LHFPL4: variants seen among roughly 807,000 people sequenced by gnomAD.
LHFPL4 encodes the protein LHFPL tetraspan subfamily member 4 protein.
LHFPL4 carries 6 observed loss-of-function variants against 20.0 expected under a neutral mutation model. That is an observed-to-expected ratio of 0.30 (90% confidence interval 0.16 to 0.59). The LOEUF (loss-of-function observed/expected upper bound fraction) is 0.59, where lower values mean the gene tolerates loss of function less well. Ranked by LOEUF, LHFPL4 falls within the 20% of genes least tolerant of loss-of-function variation. The probability of loss-of-function intolerance (pLI) is 0.88; values close to 1 mark genes in which losing one functional copy is unlikely to be tolerated. For missense variants in LHFPL4, 215 were observed against 331.2 expected (o/e 0.65, Z 2.72); for synonymous variants, 129 against 143.8 (o/e 0.90, Z 0.74).
At chr3:9,539,490 G>A (rs1192268542) in intron 2 of LHFPL4, among the ~76,000 whole-genome samples, 1 of 147,410 alleles carries the variant, frequency 6.8e-6, no homozygotes, top group Non-Finnish European at 1.5e-5. Flanking sequence ...TTCAACCCTT[G>A]TCCTCCTGAT....
chr3:9,506,067 G>A lies in LHFPL4; in HGVS notation c.543C>T (p.Ile181=). ...GGATGAGGGCGTTGAGGATGCCGATGATGGCCAGGATGTATGCCCAGCGCA... is the reference window on the plus strand; with the variant it reads ...GGATGAGGGCGTTGAGGATGCCGATAATGGCCAGGATGTATGCCCAGCGCA... ...CSVRWAYILA[I]IGILNALILS... The change falls in exon 3 of 4, where the codon ATC becomes ATT. Residue 181 remains isoleucine (I), a synonymous_variant. Transcript: ENST00000287585. The surrounding 1 kb of genome is among the most constrained non-coding windows in gnomAD (Gnocchi z 4.5). 6.2e-7 allele frequency: 1 copy of A among 1,614,208 alleles called. No homozygotes were observed. The highest frequency in any genetic ancestry group is 8.5e-7 in the Non-Finnish European group (1 of 1,180,040).
In LHFPL4 at chr3:9,552,794, C is replaced by T; in HGVS notation, c.-115G>A. The T allele has an allele frequency of 1.9e-6, 1 of 520,690 alleles. No individual in the cohort carries two copies. 32.3% of individuals were successfully genotyped at this position (520,690 alleles called of 1,614,324 possible). A position where few individuals can be genotyped will look rare whatever the true frequency, so the allele number is the denominator to read the frequency against. On this transcript the variant is annotated 5_prime_UTR_variant, in exon 2 of 4. Coordinates refer to ENST00000287585, the MANE Select transcript of LHFPL4 (RefSeq NM_198560.3). ...ACGCACGCGAGAAGCGGCCCTGAGT[C>T]AAGGAACCCGCGAGGGCGGGGCCTG...
chr3:9,551,361 C>G (rs1385528759), intron 2 of LHFPL4, among the ~76,000 whole-genome samples: 17 of 151,934 alleles, frequency 1.1e-4, no homozygotes, highest in Non-Finnish European at 5.9e-5. Context: ...CCTGGCCCCA[C>G]TTTCCCCAGT....
chr3:9,526,645 G>A (rs1396510944), intron 2 of LHFPL4, among the ~76,000 whole-genome samples: 1 of 152,172 alleles, frequency 6.6e-6, no homozygotes, highest in Non-Finnish European at 1.5e-5. Context: ...TTTGGAAACA[G>A]GGTACCTGCA....
intron 2 of LHFPL4, among the ~76,000 whole-genome samples, chr3:9,524,471 T>A (rs576450983): frequency 6.6e-6 from 1 of 152,332 alleles, no homozygotes; most frequent in African/African-American, 2.4e-5. Context: ...TTTTTGTTTT[T>A]AGAGGTTTCT....
At chr3:9,519,374 C>T (rs2046323922) in intron 2 of LHFPL4, among the ~76,000 whole-genome samples, 1 of 152,060 alleles carries the variant, frequency 6.6e-6, no homozygotes, top group African/African-American at 2.4e-5. Context: ...CACACCTGGC[C>T]TCTTTATTCA....
chr3:9,520,155 C>T (rs2125659511), intron 2 of LHFPL4, among the ~76,000 whole-genome samples: 1 of 152,096 alleles, frequency 6.6e-6, no homozygotes, highest in African/African-American at 2.4e-5. Context: ...TTTTCATTTT[C>T]ATTTAATTCA....
chr3:9,546,539 C>G (rs924294544), intron 2 of LHFPL4, among the ~76,000 whole-genome samples: 1 of 152,156 alleles, frequency 6.6e-6, no homozygotes, highest in African/African-American at 2.4e-5. Flanking sequence ...AGAACCACCT[C>G]CCTTCCATGG....
intron 2 of LHFPL4, among the ~76,000 whole-genome samples, chr3:9,519,812 G>A (rs181194970): frequency 1.3e-5 from 2 of 152,030 alleles, no homozygotes; most frequent in East Asian, 3.9e-4. Context: ...CTCAGCCTGA[G>A]TATAAGCTGG....
chr3:9,533,694 A>G (rs895236940), intron 2 of LHFPL4, among the ~76,000 whole-genome samples: 1 of 152,144 alleles, frequency 6.6e-6, no homozygotes, highest in Non-Finnish European at 1.5e-5. Flanking sequence ...AGTCGGGAGA[A>G]TGGCATGAAC....
intron 2 of LHFPL4, among the ~76,000 whole-genome samples, chr3:9,533,738 T>A (rs906568268): frequency 6.6e-6 from 1 of 151,984 alleles, no homozygotes; most frequent in Non-Finnish European, 1.5e-5. Flanking sequence ...GCTGAGATTG[T>A]GCCACTGCAC....
At chr3:9,503,556 G>C (rs76729664) in intron 3 of LHFPL4, among the ~76,000 whole-genome samples, 6,177 of 152,272 alleles carry the variant, frequency 0.041, 426 homozygotes, top group African/African-American at 0.14. Flanking sequence ...GTTGAGACAG[G>C]GGGGAAGAGC....
At chr3:9,553,399 G>T (rs2648391) in intron 1 of LHFPL4, among the ~76,000 whole-genome samples, 23,932 of 147,874 alleles carry the variant, frequency 0.16, 3,193 homozygotes, top group East Asian at 0.37. Flanking sequence ...CACGGGGCGA[G>T]GAAGGGGGGG....
In LHFPL4 at chr3:9,504,206, A is replaced by G. The variant is rs182994805; in HGVS notation, c.643+1761T>C. 2.4e-3 allele frequency among the ~76,000 whole-genome samples: 358 copies of G among 152,174 alleles called. 2 individuals are homozygous for G. Among genetic ancestry groups the G allele is most frequent in the African/African-American group, 8.1e-3 (338 of 41,524 alleles). Reference sequence around the variant, plus strand: ...GCCAACATGGTGAAACCCCATCTCTACTAAGAATACAACAGTTAGCTGGGT... The same window carrying G: ...GCCAACATGGTGAAACCCCATCTCTGCTAAGAATACAACAGTTAGCTGGGT... On this transcript the variant is annotated intron_variant, in intron 3 of 3. Coordinates refer to ENST00000287585, the MANE Select transcript of LHFPL4 (RefSeq NM_198560.3).
At chr3:9,539,321 G>C (rs1472422173) in intron 2 of LHFPL4, among the ~76,000 whole-genome samples, 1 of 151,948 alleles carries the variant, frequency 6.6e-6, no homozygotes, top group South Asian at 2.1e-4. Context: ...TGGGCACGGT[G>C]GTGGGCGCCT....
chr3:9,547,120 C>A (rs1253984246), intron 2 of LHFPL4, among the ~76,000 whole-genome samples: 1 of 152,182 alleles, frequency 6.6e-6, no homozygotes, highest in African/African-American at 2.4e-5. Flanking sequence ...TCCTGAGTAG[C>A]CGGGACCACA....
At chr3:9,527,737 A>T (rs2633806) in intron 2 of LHFPL4, among the ~76,000 whole-genome samples, 6,291 of 152,024 alleles carry the variant, frequency 0.041, 178 homozygotes, top group Non-Finnish European at 0.061. Context: ...TATACAGTAG[A>T]CTAGTGTGGC....
In LHFPL4 at chr3:9,552,562, C is replaced by T. The variant is rs769117293; in HGVS notation, c.118G>A (p.Val40Ile). 3 of 1,614,014 alleles carry T rather than the reference C, an allele frequency of 1.9e-6. No homozygotes were observed. In the South Asian group the frequency reaches 3.3e-5, roughly 18 times the overall value. The change falls in exon 2 of 4, where the codon GTC (valine) becomes ATC (isoleucine). Residue 40 changes from valine (V) to isoleucine (I), a missense_variant. This residue lies in a region of LHFPL4 where 164 missense variants were observed against 286.7 expected (regional missense o/e 0.57). Coordinates refer to ENST00000287585, the MANE Select transcript of LHFPL4 (RefSeq NM_198560.3). The part of the protein sequence containing the change: ...TICFAIINVV[V>I]FIQPYWVGDS... The stretch of plus-strand genomic sequence containing the variant: ...CCCACCCAGTAGGGCTGGATGAAGA[C>T]CACCACGTTGATGATGGCGAAGCAG...
chr3:9,545,067 C>T (rs1363892059), intron 2 of LHFPL4, among the ~76,000 whole-genome samples: 4 of 151,456 alleles, frequency 2.6e-5, no homozygotes, highest in Admixed American at 1.3e-4. Context: ...CACACACACA[C>T]GACACGGTCA....
Sources: allele counts gnomAD v4.1 joint callset (sites outside exome capture counted in the v4.1 genomes callset), GRCh38; gene constraint gnomAD v4.1.1; regional missense constraint gnomAD v4.1.1; non-coding constraint Gnocchi (gnomAD v3.1); transcripts MANE v1.5; gene names NCBI Gene and HGNC (gene_info 2026-07-23, HGNC 2026-07-21).